KLRG1: variants seen among roughly 807,000 people sequenced by gnomAD.
KLRG1 encodes the protein killer cell lectin like receptor G1.
In KLRG1, 16 loss-of-function variants were observed where a neutral mutation model predicts 21.8. The ratio of observed to expected loss-of-function variants is 0.73; its 90% CI spans 0.50 to 1.11. The LOEUF is 1.11. KLRG1 is among the 50% of genes most tolerant of loss of function. The probability of loss-of-function intolerance (pLI) is 0.00; values close to 1 mark genes in which losing one functional copy is unlikely to be tolerated. For synonymous variants in KLRG1, 69 were observed against 75.9 expected (o/e 0.91, Z 0.47); for missense variants, 173 against 218.3 (o/e 0.79, Z 1.31).
At chr12:9,025,920 G>T in the KLRG1 span, among the ~76,000 whole-genome samples, 1 of 152,300 alleles carries the variant, frequency 6.6e-6, no homozygotes, top group African/African-American at 2.4e-5. Flanking sequence ...AGGTTTGGGG[G>T]TCTATGGACA....
chr12:9,157,389 G>A, the KLRG1 span: 28 of 1,587,218 alleles, frequency 1.8e-5, no homozygotes, highest in African/African-American at 6.7e-5. Flanking sequence ...GTCAAACTAG[G>A]GTGAATAGAG....
chr12:8,983,346 A>T lies in KLRG1; in HGVS notation c.-155-8860A>T, dbSNP rs144031060. Among the ~76,000 whole-genome samples, 75 of 140,670 alleles carry T rather than the reference A, an allele frequency of 5.3e-4. No homozygotes were observed. The East Asian group carries it at 0.014, about 26-fold the overall frequency. 92.3% of individuals were successfully genotyped at this position (140,670 alleles called of 152,430 possible). ...TTTACTTCCTCTTCATTTCTATTGG[A>T]TACTTTTTCTGGATATAGAATTCTG... On this transcript the variant is annotated intron_variant, in intron 1 of 4. Coordinates refer to the KLRG1 transcript ENST00000539240.
the KLRG1 span, chr12:9,154,545 A>T: frequency 2.9e-6 from 4 of 1,368,068 alleles, no homozygotes; most frequent in Non-Finnish European, 4.1e-6. Context: ...CTTTTCCATT[A>T]ACTGTTCTAC....
the KLRG1 span, among the ~76,000 whole-genome samples, chr12:9,024,477 G>C: frequency 6.6e-6 from 1 of 152,162 alleles, no homozygotes; most frequent in South Asian, 2.1e-4. Flanking sequence ...TTTAAAAATT[G>C]TTTTATCTGT....
the KLRG1 span, among the ~76,000 whole-genome samples, chr12:9,204,317 A>G: frequency 3.3e-5 from 5 of 152,208 alleles, no homozygotes; most frequent in African/African-American, 1.2e-4. Flanking sequence ...ACACAAACAC[A>G]CACACATATA....
the KLRG1 span, among the ~76,000 whole-genome samples, chr12:9,117,824 A>G: frequency 1.4e-3 from 209 of 152,312 alleles, 1 homozygote; most frequent in African/African-American, 4.7e-3. Flanking sequence ...ATTTAATCCA[A>G]TATATCCAAA....
At chr12:9,079,887 A>G in the KLRG1 span, 44 of 1,365,652 alleles carry the variant, frequency 3.2e-5, no homozygotes, top group African/African-American at 5.9e-4. Context: ...AAGCAGAAAT[A>G]ATTAGTTGAG....
At chr12:9,146,100 T>G in the KLRG1 span, among the ~76,000 whole-genome samples, 1 of 152,314 alleles carries the variant, frequency 6.6e-6, no homozygotes, top group East Asian at 1.9e-4. Context: ...ATTATTTCTA[T>G]GAATAAGTTT....
upstream of KLRG1, chr12:8,988,199 C>G (rs1297560730): frequency 6.6e-6 from 1 of 152,278 alleles, no homozygotes; most frequent in Non-Finnish European, 1.5e-5. Flanking sequence ...GCTCAAAACT[C>G]CAATATCTGC....
chr12:9,088,897 C>A, the KLRG1 span, among the ~76,000 whole-genome samples: 3 of 152,042 alleles, frequency 2.0e-5, no homozygotes, highest in African/African-American at 7.2e-5. Context: ...AGGAAACATC[C>A]CTTTTGGTAA....
chr12:9,085,140 A>G, the KLRG1 span, among the ~76,000 whole-genome samples: 20 of 152,260 alleles, frequency 1.3e-4, no homozygotes, highest in East Asian at 3.7e-3. Context: ...AAAATTAATA[A>G]GAAAACGTTG....
chr12:8,985,778 G>T (rs1592258334), upstream of KLRG1, among the ~76,000 whole-genome samples: 1 of 152,298 alleles, frequency 6.6e-6, no homozygotes, highest in East Asian at 1.9e-4. Context: ...AATCTCCACA[G>T]GTTCAGTCAT....
chr12:9,009,435 T>C lies in KLRG1; in HGVS notation c.468T>C (p.Ser156=). Residue 156 remains serine (S), a synonymous_variant, in exon 5 of 5, where the codon TCT becomes TCC. Coordinates refer to ENST00000356986, the MANE Select transcript of KLRG1 (RefSeq NM_005810.4). ...TTCTGATTTCTTACAGGATTTCTTC[T>C]AATAGCTTTGTGCAGACATGCGGTG... ...GSPLNFSRIS[S]NSFVQTCGAI... is the part of the protein sequence containing the mutation. The C allele has an allele frequency of 6.2e-7, 1 of 1,613,900 alleles. No homozygotes were observed. The highest frequency in any genetic ancestry group is 8.5e-7 in the Non-Finnish European group (1 of 1,179,882).
the KLRG1 span, among the ~76,000 whole-genome samples, chr12:9,098,133 G>A: frequency 3.9e-5 from 6 of 152,158 alleles, no homozygotes; most frequent in South Asian, 6.2e-4. Context: ...ATTTTCGAAC[G>A]GCTTCCCCGG....
chr12:8,952,382 G>C (rs1422907688), intron 1 of KLRG1, among the ~76,000 whole-genome samples: 1 of 152,180 alleles, frequency 6.6e-6, no homozygotes, highest in East Asian at 1.9e-4. Flanking sequence ...TGTAGAGACA[G>C]GGTCTCACAT....
chr12:8,957,548 GT>G (rs1033500637), intron 1 of KLRG1, among the ~76,000 whole-genome samples: 22 of 150,100 alleles, frequency 1.5e-4, no homozygotes, highest in African/African-American at 4.7e-4. Context: ...TTTGTTTTTT[GT>G]TTTTTTTTAG....
the KLRG1 span, among the ~76,000 whole-genome samples, chr12:9,017,056 G>T: frequency 2.0e-5 from 3 of 151,726 alleles, no homozygotes; most frequent in African/African-American, 7.3e-5. Context: ...GCAAGGTCAG[G>T]AGTTCAAGAC....
chr12:9,091,144 CA>C, the KLRG1 span: 1 of 1,569,558 alleles, frequency 6.4e-7, no homozygotes, highest in Non-Finnish European at 8.8e-7. Context: ...CCTAGGAATG[CA>C]ACTTTTAATT....
chr12:9,101,632 C>T, the KLRG1 span: 10 of 1,613,808 alleles, frequency 6.2e-6, no homozygotes, highest in African/African-American at 2.7e-5. Context: ...TCTTCTGACA[C>T]CCACTGGTAG....
Sources: gnomAD v4.1 joint callset for allele counts (sites outside exome capture counted in the v4.1 genomes callset) on GRCh38, gnomAD v4.1.1 for gene constraint, MANE v1.5 for transcripts, NCBI Gene and HGNC (gene_info 2026-07-23, HGNC 2026-07-21) for gene names.